The following ACVR1B variants were observed in gnomAD, a reference collection of about 807,000 sequenced individuals.
ACVR1B encodes activin A receptor type 1B, also known as activin receptor type-1B.
A neutral mutation model predicts 55.6 loss-of-function variants in ACVR1B; 15 were observed. That is an observed-to-expected ratio of 0.27 (90% CI 0.18 to 0.42). ACVR1B has a LOEUF of 0.42. ACVR1B is among the 10% of genes least tolerant of loss of function. ACVR1B has a pLI of 1.00. For missense variants in ACVR1B, 359 were observed against 670.1 expected (o/e 0.54, Z 5.13); for synonymous variants, 247 against 254.6 (o/e 0.97, Z 0.28).
chr12:51,976,678 A>G (rs1158244260), intron 3 of ACVR1B, 103 bp downstream of exon 3: 2 of 1,439,778 alleles, frequency 1.4e-6, no homozygotes, highest in South Asian at 1.3e-5. Context: ...ATTTGTTTCT[A>G]CCAGCATTGA....
intron 4 of ACVR1B, among the ~76,000 whole-genome samples, 158 bp from the exon 5 acceptor site, chr12:51,983,841 T>C (rs961029606): frequency 1.3e-5 from 2 of 152,176 alleles, no homozygotes; most frequent in African/African-American, 4.8e-5. Context: ...CCACTATAAA[T>C]GAAAGGATGC....
At chr12:51,970,678 G>T (rs1938537689) in intron 1 of ACVR1B, among the ~76,000 whole-genome samples, 1 of 152,136 alleles carries the variant, frequency 6.6e-6, no homozygotes, top group South Asian at 2.1e-4. Flanking sequence ...ATCACTTGGG[G>T]CTGTTTGGTG....
intron 1 of ACVR1B, among the ~76,000 whole-genome samples, chr12:51,963,347 C>T (rs1484426829): frequency 2.6e-5 from 4 of 152,054 alleles, no homozygotes; most frequent in Non-Finnish European, 4.4e-5. Flanking sequence ...CAGGTTCAAG[C>T]GATTCTCCTG....
At chr12:51,956,670 C>T (rs752367635) in intron 1 of ACVR1B, among the ~76,000 whole-genome samples, 1 of 152,200 alleles carries the variant, frequency 6.6e-6, no homozygotes, top group Non-Finnish European at 1.5e-5. Flanking sequence ...AATCTTCAAC[C>T]ATTGCTCCTA....
chr12:51,982,092 C>A (rs540698885), intron 4 of ACVR1B, among the ~76,000 whole-genome samples: 1 of 152,090 alleles, frequency 6.6e-6, no homozygotes, highest in East Asian at 1.9e-4. Context: ...CAAAGGATGA[C>A]GAGTAAGGGT....
chr12:51,966,826 T>C (rs1941650406), intron 1 of ACVR1B, among the ~76,000 whole-genome samples: 1 of 152,262 alleles, frequency 6.6e-6, no homozygotes, highest in Admixed American at 6.5e-5. Flanking sequence ...TATTTGATTA[T>C]ATTAAGGCTA....
chr12:51,952,853 A>C (rs2085625611), intron 1 of ACVR1B, among the ~76,000 whole-genome samples: 1 of 75,026 alleles, frequency 1.3e-5, no homozygotes, highest in South Asian at 5.1e-4. Context: ...CAATCCCCAC[A>C]GTCTGCGGCT....
intron 1 of ACVR1B, among the ~76,000 whole-genome samples, chr12:51,971,410 A>AT (rs1941744521): frequency 6.6e-6 from 1 of 152,096 alleles, no homozygotes; most frequent in African/African-American, 2.4e-5. Context: ...GTGTAGAGTG[A>AT]TTTTGTTACT....
At chr12:51,981,558 G>A (rs970365066) in intron 4 of ACVR1B, among the ~76,000 whole-genome samples, 8 of 152,174 alleles carry the variant, frequency 5.3e-5, no homozygotes, top group African/African-American at 1.9e-4. Flanking sequence ...TGGGCTGGGC[G>A]CGGTGGCTCA....
At chr12:51,981,254 C>T in intron 4 of ACVR1B, 55 bp downstream of exon 4, 1 of 1,492,716 alleles carries the variant, frequency 6.7e-7, no homozygotes, top group Non-Finnish European at 9.3e-7. Context: ...AGAGAAAGTG[C>T]ATAGCTATGG....
chr12:51,952,578 A>G (rs889947088), intron 1 of ACVR1B, among the ~76,000 whole-genome samples: 1 of 152,056 alleles, frequency 6.6e-6, no homozygotes, highest in Non-Finnish European at 1.5e-5. Flanking sequence ...CCCTAACCCT[A>G]TGGAACCGAG....
intron 1 of ACVR1B, among the ~76,000 whole-genome samples, chr12:51,963,714 C>T (rs1235933890): frequency 6.6e-6 from 1 of 152,106 alleles, no homozygotes; most frequent in Admixed American, 6.5e-5. Flanking sequence ...GGGTGGTTTC[C>T]ACCTTTTGGC....
At chr12:51,958,450 C>T (rs1941452888) in intron 1 of ACVR1B, among the ~76,000 whole-genome samples, 1 of 143,750 alleles carries the variant, frequency 7.0e-6, no homozygotes, top group Non-Finnish European at 1.5e-5. Context: ...CAAGACCAGC[C>T]TGGCCAACAT....
chr12:51,985,498 TC>T, intron 6 of ACVR1B, 150 bp downstream of exon 6: 1 of 849,718 alleles, frequency 1.2e-6, no homozygotes, highest in Non-Finnish European at 1.8e-6. Flanking sequence ...GAACATGCAC[TC>T]CCCACAATGG....
chr12:51,994,367 G>A lies in ACVR1B; in HGVS notation c.*257G>A, dbSNP rs575567583. On this transcript the variant is annotated 3_prime_UTR_variant, in exon 9 of 9. Coordinates refer to ENST00000257963, the MANE Select transcript of ACVR1B (RefSeq NM_004302.5). This position sits in a 1 kb window ranked among gnomAD's most constrained non-coding sequence, Gnocchi z 4.2. ...TGTGGAGAACTCAGTGCCACACCTC[G>A]AACTGGTTGTAGTGGGAAGTCCCGC... 4.7e-5 allele frequency: 20 copies of A among 429,822 alleles called. No individual in the cohort carries two copies. Among genetic ancestry groups the A allele is most frequent in the African/African-American group, 1.0e-4 (5 of 48,944 alleles). 26.6% of individuals were successfully genotyped at this position (429,822 alleles called of 1,614,324 possible).
intron 2 of ACVR1B, among the ~76,000 whole-genome samples, 163 bp from the exon 3 acceptor site, chr12:51,976,164 T>G (rs1269286475): frequency 1.7e-5 from 2 of 120,120 alleles, no homozygotes; most frequent in Non-Finnish European, 3.2e-5. Flanking sequence ...TTTGAGAGCA[T>G]CTAGGCAGCA....
chr12:51,976,676 C>A, intron 3 of ACVR1B, 101 bp downstream of exon 3: 1 of 1,455,966 alleles, frequency 6.9e-7, no homozygotes, highest in Non-Finnish European at 9.3e-7. Context: ...GCATTTGTTT[C>A]TACCAGCATT....
At chr12:51,952,232 T>TG (rs1162241311) in intron 1 of ACVR1B, among the ~76,000 whole-genome samples, 2 of 151,958 alleles carry the variant, frequency 1.3e-5, no homozygotes, top group African/African-American at 2.4e-5. Flanking sequence ...CAGGTGCTCC[T>TG]GGGGGGCGTC....
rs1246773232 is a variant in ACVR1B, at chr12:51,996,968, C to G, written c.*2858C>G. 7 of 152,604 alleles carry G rather than the reference C, an allele frequency of 4.6e-5. No homozygotes were observed. The highest frequency in any genetic ancestry group is 1.0e-4 in the Non-Finnish European group (7 of 68,042). 9.5% of individuals were successfully genotyped at this position (152,604 alleles called of 1,614,324 possible). On this transcript the variant is annotated 3_prime_UTR_variant, in exon 9 of 9. Transcript: ENST00000257963. ...TAAAATAGCCACTTAGACACTTTAC[C>G]TCTTCAGTATGCAAATGTAAATAAA...
Sources: allele counts gnomAD v4.1 joint callset (sites outside exome capture counted in the v4.1 genomes callset), GRCh38; gene constraint gnomAD v4.1.1; non-coding constraint Gnocchi (gnomAD v3.1); transcripts MANE v1.5; gene names NCBI Gene and HGNC (gene_info 2026-07-23, HGNC 2026-07-21).